Variants in NPHP4 observed in about 807,000 individuals in gnomAD.
NPHP4 encodes the protein nephrocystin-4.
Under a neutral mutation model 155.8 loss-of-function variants are expected in NPHP4, and 151 were observed. The observed-to-expected ratio is 0.97, with a 90% CI of 0.85 to 1.11. NPHP4 has a LOEUF of 1.11. NPHP4 is among the 50% of genes least tolerant of loss of function. The pLI, the probability that NPHP4 is intolerant of heterozygous loss-of-function variation, is 0.00. For synonymous variants in NPHP4, 845 were observed against 816.8 expected (o/e 1.03, Z -0.59); for missense variants, 1,956 against 1,925.7 (o/e 1.02, Z -0.29).
chr1:5,867,260 C>A lies in NPHP4; in HGVS notation c.3473-145G>T. ...CTGCTGGGGAAACGGACGCCGCCAC[C>A]TTTCCCAGGACAGCATCCAAGCACT... is the stretch of plus-strand genomic sequence containing the variant. On this transcript the variant is annotated intron_variant, in intron 24 of 29. Transcript: ENST00000378156. The surrounding 1 kb of genome is among the most constrained non-coding windows in gnomAD (Gnocchi z 4.1). 1.6e-6 allele frequency: 1 copy of A among 635,798 alleles called. No individual in the cohort carries two copies. The highest frequency in any genetic ancestry group is 2.8e-6 in the Non-Finnish European group (1 of 358,560). 39.4% of individuals were successfully genotyped at this position (635,798 alleles called of 1,614,324 possible). A position where few individuals can be genotyped will look rare whatever the true frequency, so the allele number is the denominator to read the frequency against.
intron 2 of NPHP4, among the ~76,000 whole-genome samples, chr1:5,984,361 C>A (rs186832179): frequency 9.2e-5 from 14 of 152,042 alleles, no homozygotes; most frequent in African/African-American, 3.4e-4. Flanking sequence ...GGTGAAACCC[C>A]GACTCTACCA....
intron 18 of NPHP4, among the ~76,000 whole-genome samples, chr1:5,884,946 C>T (rs1643650219): frequency 6.9e-6 from 1 of 145,830 alleles, no homozygotes; most frequent in Non-Finnish European, 1.5e-5. Context: ...AGATCACTGC[C>T]CAAGCTCCCA....
chr1:5,864,097 C>T, intron 28 of NPHP4, 64 bp from the exon 29 acceptor site: 1 of 1,561,756 alleles, frequency 6.4e-7, no homozygotes, highest in Non-Finnish European at 8.7e-7. Context: ...GGCCCTTCCT[C>T]CAAGTATTCC....
At chr1:5,918,640 G>A (rs912811192) in intron 11 of NPHP4, among the ~76,000 whole-genome samples, 1 of 152,156 alleles carries the variant, frequency 6.6e-6, no homozygotes, top group Non-Finnish European at 1.5e-5. Flanking sequence ...GAAAAAGGAA[G>A]AGTCCTCCCA....
At chr1:5,935,853 C>T (rs567832033) in intron 9 of NPHP4, among the ~76,000 whole-genome samples, 7 of 152,180 alleles carry the variant, frequency 4.6e-5, no homozygotes, top group East Asian at 1.9e-4. Flanking sequence ...CCAGCCTGGG[C>T]GACAGAGTGA....
chr1:5,875,116 C>T lies in NPHP4; in HGVS notation c.2818-16G>A. 1.3e-6 allele frequency: 2 copies of T among 1,572,398 alleles called. No individual in the cohort carries two copies. The highest frequency in any genetic ancestry group is 2.3e-5 in the South Asian group (2 of 87,898). On this transcript the variant is annotated splice_polypyrimidine_tract_variant and intron_variant, in intron 20 of 29. Coordinates refer to ENST00000378156, the MANE Select transcript of NPHP4 (RefSeq NM_015102.5). Reference sequence around the variant, plus strand: ...TCTGCTGCGCCTGCAGACAAGAGGACATGGGTGGACAGGGTCCCAGGCACA... The same window carrying T: ...TCTGCTGCGCCTGCAGACAAGAGGATATGGGTGGACAGGGTCCCAGGCACA...
At chr1:5,924,903 G>A (rs1241799167) in intron 11 of NPHP4, among the ~76,000 whole-genome samples, 2 of 152,118 alleles carry the variant, frequency 1.3e-5, no homozygotes, top group Admixed American at 1.3e-4. Flanking sequence ...TGATCCTCCT[G>A]CCTCAGCCTT....
intron 2 of NPHP4, among the ~76,000 whole-genome samples, chr1:5,980,631 G>T (rs975023746): frequency 6.6e-6 from 1 of 152,024 alleles, no homozygotes; most frequent in Non-Finnish European, 1.5e-5. Context: ...CAGGAAGCAG[G>T]CACCGCTGGG....
chr1:5,866,244 A>G (rs1641206640), intron 26 of NPHP4, 129 bp downstream of exon 26: 1 of 727,544 alleles, frequency 1.4e-6, no homozygotes, highest in African/African-American at 1.7e-5. Flanking sequence ...CGCCTCACAA[A>G]GCGAAGGCCC....
At position 5,863,135 on chromosome 1, in the gene NPHP4, A is replaced by C; in HGVS notation, c.*130T>G. 3 of 944,824 alleles carry C rather than the reference A, an allele frequency of 3.2e-6. No individual in the cohort carries two copies. The highest frequency in any genetic ancestry group is 1.8e-5 in the Admixed American group (1 of 55,022). The allele number at this position is 944,824 out of a possible 1,614,324, so 58.5% of individuals were successfully genotyped here. On this transcript the variant is annotated 3_prime_UTR_variant, in exon 30 of 30. Coordinates refer to ENST00000378156, the MANE Select transcript of NPHP4 (RefSeq NM_015102.5). ...CGCTCGGTCTCTGCTTCCTCAGCCA[A>C]GTGCACAGGTCAGCCAGGTGGGCAC...
chr1:5,967,229 C>T, intron 5 of NPHP4, 70 bp downstream of exon 5: 1 of 1,176,282 alleles, frequency 8.5e-7, no homozygotes, highest in Admixed American at 2.0e-5. Context: ...CCATTCAGAG[C>T]TAAAGGTGGG....
At position 5,922,330 on chromosome 1, in the gene NPHP4, T is replaced by C. The variant is rs187466826; in HGVS notation, c.1441+5319A>G. On this transcript the variant is annotated intron_variant, in intron 11 of 29. Coordinates refer to ENST00000378156, the MANE Select transcript of NPHP4 (RefSeq NM_015102.5). ...TAATAAGCTCCTGTTGCAACGTCAC[T>C]AATTTGTTGTAACAGCAACCAGAAA... Among the ~76,000 whole-genome samples the C allele has an allele frequency of 4.2e-3, 641 of 152,354 alleles. 5 individuals are homozygous for C. Among genetic ancestry groups the C allele is most frequent in the African/African-American group, 0.014 (594 of 41,584 alleles).
chr1:5,869,216 T>TACACATACACCCACATGCAC (rs1308288100), intron 23 of NPHP4, among the ~76,000 whole-genome samples: 2 of 93,232 alleles, frequency 2.1e-5, no homozygotes, highest in Non-Finnish European at 4.7e-5. Context: ...CCCACATGCA[T>TACACATACACCCACATGCAC]ACACATCCAC....
chr1:5,878,344 C>T (rs2100695857), intron 19 of NPHP4, among the ~76,000 whole-genome samples: 1 of 152,336 alleles, frequency 6.6e-6, no homozygotes, highest in African/African-American at 2.4e-5. Flanking sequence ...CTGCAGATGC[C>T]CCGCGTGGCT....
intron 9 of NPHP4, among the ~76,000 whole-genome samples, chr1:5,937,537 C>T (rs1471089949): frequency 6.6e-6 from 1 of 152,220 alleles, no homozygotes; most frequent in Non-Finnish European, 1.5e-5. Context: ...AGCCTCTGGC[C>T]CTGGGCCCAG....
intron 10 of NPHP4, among the ~76,000 whole-genome samples, chr1:5,930,977 TTA>T (rs1177237024): frequency 2.6e-5 from 4 of 152,218 alleles, no homozygotes; most frequent in African/African-American, 9.6e-5. Context: ...TTTAGGATTG[TTA>T]TGTCTTGGCA....
chr1:5,906,242 G>A (rs1644909044), intron 13 of NPHP4, among the ~76,000 whole-genome samples: 1 of 152,242 alleles, frequency 6.6e-6, no homozygotes, highest in South Asian at 2.1e-4. Flanking sequence ...CCCCTGGCTG[G>A]CGTGTTTGGA....
Position 5,887,397 on chromosome 1 carries a change from C to A in NPHP4, c.2374G>T (p.Glu792Ter), listed in dbSNP as rs764028061. 2 of 1,613,394 alleles carry A rather than the reference C, an allele frequency of 1.2e-6. No individual in the cohort carries two copies. The highest frequency in any genetic ancestry group is 1.7e-6 in the Non-Finnish European group (2 of 1,179,892). The change falls in exon 18 of 30, where the codon GAG becomes TAG. Residue 792 changes from glutamate to a stop codon, truncating the protein, a stop_gained. Coordinates refer to ENST00000378156, the MANE Select transcript of NPHP4 (RefSeq NM_015102.5). LOFTEE classifies it high-confidence loss of function. ...CCACTCACCACCATGTTGTCCTGCT[C>A]GTATTCAGTTGCCACGACCTCAAGC... ...HELEVVATEYEQDNMVVSGDM... is the reference protein window; with the variant it reads ...HELEVVATEY
intron 28 of NPHP4, 55 bp from the exon 29 acceptor site, chr1:5,864,088 G>C (rs1255321223): frequency 6.3e-7 from 1 of 1,585,096 alleles, no homozygotes; most frequent in East Asian, 2.3e-5. Context: ...ACAGCCACTG[G>C]CCCTTCCTCC....
Sources: allele counts gnomAD v4.1 joint callset (sites outside exome capture counted in the v4.1 genomes callset), GRCh38; gene constraint gnomAD v4.1.1; non-coding constraint Gnocchi (gnomAD v3.1); transcripts MANE v1.5; gene names NCBI Gene and HGNC (gene_info 2026-07-23, HGNC 2026-07-21).